SSH2: variants seen among roughly 807,000 people sequenced by gnomAD.
The protein encoded by SSH2 is slingshot protein phosphatase 2, also known as protein phosphatase Slingshot homolog 2.
Under a neutral mutation model 135.2 loss-of-function variants are expected in SSH2, and 37 were observed. The observed-to-expected ratio is 0.27, with a 90% CI of 0.21 to 0.36. SSH2 has a LOEUF of 0.36. Ranked by LOEUF, SSH2 falls within the 10% of genes least tolerant of loss-of-function variation. The pLI is 1.00. For synonymous variants in SSH2, 628 were observed against 646.2 expected (o/e 0.97, Z 0.43); for missense variants, 1,408 against 1,765.3 (o/e 0.80, Z 3.63).
Position 29,630,816 on chromosome 17 carries a change from G to A in SSH2, c.*25C>T. ...GCCCCTTTTACAAACATTTCTTCTA[G>A]AAAGTCACATGTGTAGGCTCAGAAT... On this transcript the variant is annotated 3_prime_UTR_variant, in exon 16 of 16. Coordinates refer to ENST00000540801, the MANE Select transcript of SSH2 (RefSeq NM_001282129.2). 1.3e-6 allele frequency: 2 copies of A among 1,511,792 alleles called. No individual in the cohort carries two copies. Among genetic ancestry groups the A allele is most frequent in the Non-Finnish European group, 8.9e-7 (1 of 1,128,816 alleles). The allele number at this position is 1,511,792 out of a possible 1,614,324, so 93.6% of individuals were successfully genotyped here. A position where few individuals can be genotyped will look rare whatever the true frequency, so the allele number is the denominator to read the frequency against.
intron 1 of SSH2, among the ~76,000 whole-genome samples, chr17:29,882,477 C>T (rs1461399632): frequency 2.0e-5 from 3 of 152,152 alleles, no homozygotes; most frequent in Non-Finnish European, 4.4e-5. Context: ...TCTGGCCGGG[C>T]GCAGTGGCTC....
chr17:29,688,300 C>T (rs1023436561), intron 5 of SSH2, among the ~76,000 whole-genome samples: 8 of 152,058 alleles, frequency 5.3e-5, no homozygotes, highest in African/African-American at 1.4e-4. Context: ...CGAGCCACTA[C>T]GCCCGGCCAG....
At position 29,848,898 on chromosome 17, in the gene SSH2, G is replaced by A. The variant is rs1207300830; in HGVS notation, c.95C>T (p.Ala32Val). Residue 32 changes from alanine (A) to valine (V), a missense_variant, in exon 2 of 16, where the codon GCA becomes GTA. Ala to Val is a moderately conservative substitution (Grantham distance 64). This residue lies in a region of SSH2 where 222 missense variants were observed against 355.6 expected (regional missense o/e 0.62). Coordinates refer to ENST00000540801, the MANE Select transcript of SSH2 (RefSeq NM_001282129.2). ...TTCTTCACATTCACAGCAAAGTAAT[G>A]CTGCTGATTCACTGTCTTCCAAATG... ...SSHLEDSESA[A>V]LLCCECEESE... 2 of 1,534,730 alleles carry A rather than the reference G, an allele frequency of 1.3e-6. No homozygotes were observed. Among genetic ancestry groups the A allele is most frequent in the African/African-American group, 1.4e-5 (1 of 73,028 alleles).
chr17:29,730,569 G>T (rs932273526), intron 3 of SSH2, among the ~76,000 whole-genome samples: 2 of 151,392 alleles, frequency 1.3e-5, no homozygotes, highest in African/African-American at 2.4e-5. Flanking sequence ...CCAAGTAATT[G>T]GGACTACAGA....
rs200508388 is a variant in SSH2, at chr17:29,810,868, ATGGCTTTGAATG to A, written c.145-16943_145-16932del. On this transcript the variant is annotated intron_variant, in intron 2 of 15. Transcript: ENST00000540801. ...CAAGCTTGTCCAACCCATGCCCAGAATGGCTTTGAATGTGGCCCAACACAAATTCGTAAACTT... is the reference window on the plus strand; with the variant it reads ...CAAGCTTGTCCAACCCATGCCCAGAATGGCCCAACACAAATTCGTAAACTT... Among the ~76,000 whole-genome samples the A allele has an allele frequency of 5.5e-4, 84 of 152,312 alleles. 2 individuals are homozygous for A. The East Asian group carries it at 0.016, about 28-fold the overall frequency.
intron 1 of SSH2, among the ~76,000 whole-genome samples, chr17:29,879,752 T>C (rs1413115533): frequency 4.6e-5 from 7 of 152,224 alleles, no homozygotes; most frequent in Non-Finnish European, 1.0e-4. Context: ...TCTAACAGCA[T>C]GTGACATCCA....
At position 29,853,179 on chromosome 17, in the gene SSH2, C is replaced by T. The variant is rs559299506; in HGVS notation, c.64-4250G>A. Among the ~76,000 whole-genome samples, 13 of 149,716 alleles carry T rather than the reference C, an allele frequency of 8.7e-5. No homozygotes were observed. In the South Asian group the frequency reaches 1.1e-3, roughly 12 times the overall value. On this transcript the variant is annotated intron_variant, in intron 1 of 15. Transcript: ENST00000540801. The stretch of plus-strand genomic sequence containing the variant: ...TCTGCTCACTGCAGCCTATGCCTCC[C>T]GGGTTCAAGTGATTCTCCTGCCTCA...
chr17:29,888,642 A>C (rs2066285166), intron 1 of SSH2, among the ~76,000 whole-genome samples: 1 of 152,034 alleles, frequency 6.6e-6, no homozygotes, highest in South Asian at 2.1e-4. Flanking sequence ...AGTCAGTATA[A>C]AGAAAGTGAC....
intron 3 of SSH2, chr17:29,716,367 G>C: frequency 2.0e-6 from 1 of 495,196 alleles, no homozygotes; most frequent in Non-Finnish European, 3.7e-6. Context: ...CTCTTAGAGT[G>C]CTTTATGTGC....
intron 3 of SSH2, among the ~76,000 whole-genome samples, chr17:29,728,436 A>G (rs2040074008): frequency 6.6e-6 from 1 of 152,244 alleles, no homozygotes; most frequent in Non-Finnish European, 1.5e-5. Flanking sequence ...TTCCATGTTC[A>G]TGGATTGAAA....
At chr17:29,794,912 GA>G (rs2042131747) in intron 2 of SSH2, among the ~76,000 whole-genome samples, 1 of 152,156 alleles carries the variant, frequency 6.6e-6, no homozygotes, top group Admixed American at 6.5e-5. Context: ...TGACATGAAG[GA>G]AAAGTGAGGA....
chr17:29,873,457 G>A (rs1478881548), intron 1 of SSH2, among the ~76,000 whole-genome samples: 2 of 152,096 alleles, frequency 1.3e-5, no homozygotes, highest in African/African-American at 4.8e-5. Context: ...TGCTCGGGAG[G>A]CTGAGGCGGG....
rs764461213 is a variant in SSH2, at chr17:29,681,331, C to CAAAAA, written c.479+3227_479+3231dup. Among the ~76,000 whole-genome samples, 49 of 14,328 alleles carry CAAAAA rather than the reference C, an allele frequency of 3.4e-3. 3 individuals are homozygous for CAAAAA. Among genetic ancestry groups the CAAAAA allele is most frequent in the Admixed American group, 9.7e-3 (8 of 822 alleles). The allele number at this position is 14,328 out of a possible 152,430, so 9.4% of individuals were successfully genotyped here. ...GCCTGGCCACAGAGTGAGACTGTCT[C>CAAAAA]AAAAAAAAAAAAAAAAAAAAAAAAA... On this transcript the variant is annotated intron_variant, in intron 6 of 15. Transcript: ENST00000540801.
rs1344936964 is a variant in SSH2, at chr17:29,761,411, G to C, written c.188+32483C>G. The C allele has an allele frequency of 4.7e-6, 5 of 1,058,854 alleles. No homozygotes were observed. The African/African-American group carries it at 8.7e-5, about 18-fold the overall frequency. 65.6% of individuals were successfully genotyped at this position (1,058,854 alleles called of 1,614,324 possible). ...CGGAGGCAGCCGCCGAAGCCCCAGG[G>C]CTCGGCGGTAGAGTCCGGACTGACG... On this transcript the variant is annotated intron_variant, in intron 3 of 15. Transcript: ENST00000540801.
At chr17:29,837,338 T>C (rs962218086) in intron 2 of SSH2, among the ~76,000 whole-genome samples, 2 of 151,286 alleles carry the variant, frequency 1.3e-5, no homozygotes, top group South Asian at 4.2e-4. Flanking sequence ...TTGAGTACAA[T>C]AGTGGCAGCA....
chr17:29,848,675 T>C (rs1345703901), intron 2 of SSH2, among the ~76,000 whole-genome samples, 174 bp downstream of exon 2: 1 of 152,092 alleles, frequency 6.6e-6, no homozygotes, highest in Non-Finnish European at 1.5e-5. Context: ...TGTACCATAC[T>C]GTTTATATAT....
chr17:29,860,180 A>G (rs1412708332), intron 1 of SSH2, among the ~76,000 whole-genome samples: 1 of 152,080 alleles, frequency 6.6e-6, no homozygotes, highest in Admixed American at 6.6e-5. Context: ...AGGAATTGCC[A>G]CACTGCTTTC....
intron 3 of SSH2, among the ~76,000 whole-genome samples, chr17:29,770,596 C>T (rs947225563): frequency 6.6e-6 from 1 of 152,032 alleles, no homozygotes; most frequent in African/African-American, 2.4e-5. Context: ...CCTCAGCCTC[C>T]TGAGTAGCTG....
chr17:29,659,290 G>A (rs536424193), intron 11 of SSH2, among the ~76,000 whole-genome samples: 30 of 152,212 alleles, frequency 2.0e-4, no homozygotes, highest in African/African-American at 5.5e-4. Flanking sequence ...ATTTCCTTCC[G>A]TAGAGGCTGA....
Sources: allele counts gnomAD v4.1 joint callset (sites outside exome capture counted in the v4.1 genomes callset), GRCh38; gene constraint gnomAD v4.1.1; regional missense constraint gnomAD v4.1.1; transcripts MANE v1.5; gene names NCBI Gene and HGNC (gene_info 2026-07-23, HGNC 2026-07-21).